Variants in AKAP19 observed in about 807,000 individuals in gnomAD.
AKAP19 encodes A-kinase anchoring protein 19.
At chr2:189,924,891 TAAATA>T in the AKAP19 span, among the ~76,000 whole-genome samples, 37 of 152,134 alleles carry the variant, frequency 2.4e-4, no homozygotes, top group African/African-American at 8.2e-4. Flanking sequence ...AAAAAATAAA[TAAATA>T]AATAAATAAA....
At chr2:190,046,322 C>T in the AKAP19 span, among the ~76,000 whole-genome samples, 10 of 152,048 alleles carry the variant, frequency 6.6e-5, no homozygotes, top group African/African-American at 1.9e-4. Flanking sequence ...ATAGTCTTAC[C>T]TCTGCAGATA....
At chr2:190,115,614 C>G in the AKAP19 span, among the ~76,000 whole-genome samples, 1 of 151,824 alleles carries the variant, frequency 6.6e-6, no homozygotes, top group Admixed American at 6.6e-5. Flanking sequence ...CCACCGCGCC[C>G]GGCCAAGAAG....
chr2:189,976,093 C>T, the AKAP19 span, among the ~76,000 whole-genome samples: 2 of 152,106 alleles, frequency 1.3e-5, no homozygotes. Context: ...TCTGTTTTTT[C>T]CCCATCTTTG....
the AKAP19 span, chr2:190,199,620 G>T: frequency 5.7e-6 from 5 of 874,134 alleles, no homozygotes; most frequent in Non-Finnish European, 1.5e-6. Flanking sequence ...AGTGATGAAA[G>T]GATTTTTACA....
At chr2:190,023,951 C>T in the AKAP19 span, among the ~76,000 whole-genome samples, 3 of 151,578 alleles carry the variant, frequency 2.0e-5, no homozygotes, top group African/African-American at 4.8e-5. Context: ...AAAATTTCAT[C>T]GAAGTAAGGG....
the AKAP19 span, among the ~76,000 whole-genome samples, chr2:189,942,990 A>C: frequency 6.6e-6 from 1 of 152,256 alleles, no homozygotes; most frequent in Non-Finnish European, 1.5e-5. Flanking sequence ...AAAAATTTGC[A>C]TGCTGGCCCT....
chr2:190,131,151 G>A, the AKAP19 span, among the ~76,000 whole-genome samples: 7 of 152,238 alleles, frequency 4.6e-5, no homozygotes, highest in Non-Finnish European at 1.0e-4. Flanking sequence ...CTGACACAGC[G>A]ATCCTAAATA....
chr2:190,115,446 A>C, the AKAP19 span, among the ~76,000 whole-genome samples: 1 of 135,312 alleles, frequency 7.4e-6, no homozygotes, highest in East Asian at 2.2e-4. Flanking sequence ...CAGCCTCCCA[A>C]GTAGCTGGGA....
the AKAP19 span, among the ~76,000 whole-genome samples, chr2:190,013,466 C>T: frequency 6.6e-6 from 1 of 151,666 alleles, no homozygotes; most frequent in Non-Finnish European, 1.5e-5. Context: ...TCTTTAATTT[C>T]TGATTATATT....
At chr2:190,126,289 CAAAAAAAAAAAAAAAAAA>C in the AKAP19 span, among the ~76,000 whole-genome samples, 32 of 31,328 alleles carry the variant, frequency 1.0e-3, 1 homozygote, top group African/African-American at 1.2e-3. Flanking sequence ...GATTCCATCT[CAAAAAAAAAAAAAAAAAA>C]AAAAAAAAAA....
chr2:189,948,675 T>C, the AKAP19 span, among the ~76,000 whole-genome samples: 13 of 152,208 alleles, frequency 8.5e-5, no homozygotes, highest in Non-Finnish European at 1.9e-4. Context: ...GTCTTAATTT[T>C]TTAGCTTATT....
At chr2:190,166,062 A>T in the AKAP19 span, among the ~76,000 whole-genome samples, 1 of 152,086 alleles carries the variant, frequency 6.6e-6, no homozygotes, top group South Asian at 2.1e-4. Context: ...TAACTGCAGA[A>T]GTAACTTAAA....
At chr2:190,127,418 A>G in the AKAP19 span, among the ~76,000 whole-genome samples, 2 of 152,212 alleles carry the variant, frequency 1.3e-5, no homozygotes, top group Non-Finnish European at 2.9e-5. Flanking sequence ...TGGGATATTG[A>G]GAAGTGAATA....
At chr2:190,161,274 A>G in the AKAP19 span, among the ~76,000 whole-genome samples, 1 of 152,168 alleles carries the variant, frequency 6.6e-6, no homozygotes, top group African/African-American at 2.4e-5. Context: ...TTAATTTGTC[A>G]CTTTATTTGC....
the AKAP19 span, among the ~76,000 whole-genome samples, chr2:190,015,824 C>T: frequency 6.6e-6 from 1 of 152,140 alleles, no homozygotes; most frequent in Non-Finnish European, 1.5e-5. Context: ...AAGTTTATTC[C>T]GCCAGATACC....
At chr2:190,159,441 C>T in the AKAP19 span, among the ~76,000 whole-genome samples, 2 of 152,162 alleles carry the variant, frequency 1.3e-5, no homozygotes, top group South Asian at 4.1e-4. Flanking sequence ...ACTCTTCAGA[C>T]TCAATTTCTG....
chr2:190,062,851 T>C, the AKAP19 span: 1 of 421,050 alleles, frequency 2.4e-6, no homozygotes, highest in South Asian at 3.3e-5. Context: ...ACCCTGTCTG[T>C]CCCAAGTCAC....
chr2:189,926,431 C>T, the AKAP19 span, among the ~76,000 whole-genome samples: 4 of 149,916 alleles, frequency 2.7e-5, no homozygotes, highest in Non-Finnish European at 4.4e-5. Flanking sequence ...GGACTACAAG[C>T]GCCCACTACC....
chr2:190,145,287 A>G, the AKAP19 span, among the ~76,000 whole-genome samples: 1 of 152,190 alleles, frequency 6.6e-6, no homozygotes, highest in Non-Finnish European at 1.5e-5. Context: ...CCAAGTCAGT[A>G]GTAGATAGAA....
Sources: allele counts gnomAD v4.1 joint callset (sites outside exome capture counted in the v4.1 genomes callset), GRCh38; gene constraint gnomAD v4.1.1; transcripts MANE v1.5; gene names NCBI Gene and HGNC (gene_info 2026-07-23, HGNC 2026-07-21).